The following MARK3 variants were observed in gnomAD, a reference collection of about 807,000 sequenced individuals.
MARK3 encodes MAP/microtubule affinity-regulating kinase 3.
In MARK3, 46 loss-of-function variants were observed where a neutral mutation model predicts 90.1. The ratio of observed to expected loss-of-function variants is 0.51; its 90% CI spans 0.40 to 0.65. The LOEUF is 0.65. Ranked by LOEUF, MARK3 falls within the 30% of genes least tolerant of loss-of-function variation. The pLI, the probability that MARK3 is intolerant of heterozygous loss-of-function variation, is 0.00. For synonymous variants in MARK3, 321 were observed against 332.6 expected, an observed-to-expected ratio of 0.97 and a Z score of 0.38; for missense variants, 818 against 947.2, an observed-to-expected ratio of 0.86 and a Z score of 1.79.
In MARK3 at chr14:103,461,150, C is replaced by A. The variant is rs576125947; in HGVS notation, c.484-1255C>A. Among the ~76,000 whole-genome samples, 7 of 152,250 alleles carry A rather than the reference C, an allele frequency of 4.6e-5. No homozygotes were observed. In the East Asian group the frequency reaches 1.2e-3, roughly 25 times the overall value. ...AAGAGTTGATGATGATTTGGAGGAACCAACAGTAATTTTATTATAACCTCA... is the reference window on the plus strand; with the variant it reads ...AAGAGTTGATGATGATTTGGAGGAAACAACAGTAATTTTATTATAACCTCA... On this transcript the variant is annotated intron_variant, in intron 6 of 17. Coordinates refer to ENST00000429436, the MANE Select transcript of MARK3 (RefSeq NM_001128918.3).
rs558942658 is a variant in MARK3, at chr14:103,475,899, G to A, written c.1482+689G>A. ...GCAGAGGTTACAGTGAGCCGAGATCGCATCACTGCACTCTAGCCTGGCGAC... is the reference window on the plus strand; with the variant it reads ...GCAGAGGTTACAGTGAGCCGAGATCACATCACTGCACTCTAGCCTGGCGAC... On this transcript the variant is annotated intron_variant, in intron 13 of 17. Coordinates refer to ENST00000429436, the MANE Select transcript of MARK3 (RefSeq NM_001128918.3). Among the ~76,000 whole-genome samples, 6 of 150,778 alleles carry A rather than the reference G, an allele frequency of 4.0e-5. No individual in the cohort carries two copies. The South Asian group carries it at 8.4e-4, about 21-fold the overall frequency.
chr14:103,479,046 G>A (rs1012808682), intron 13 of MARK3, among the ~76,000 whole-genome samples: 1 of 151,890 alleles, frequency 6.6e-6, no homozygotes, highest in Non-Finnish European at 1.5e-5. Context: ...GGGAGGAGAC[G>A]GTCTCACTCT....
intron 14 of MARK3, among the ~76,000 whole-genome samples, chr14:103,487,875 C>T (rs962053489): frequency 3.9e-5 from 6 of 152,028 alleles, no homozygotes; most frequent in Non-Finnish European, 8.8e-5. Context: ...GGTGAAATCC[C>T]GTCTCTACGA....
intron 2 of MARK3, among the ~76,000 whole-genome samples, chr14:103,426,586 C>T (rs1030118154): frequency 1.1e-4 from 16 of 152,118 alleles, no homozygotes; most frequent in Admixed American, 2.6e-4. Context: ...CTTGATATTC[C>T]CTGGTCATGG....
At chr14:103,425,412 G>A (rs1213890905) in intron 2 of MARK3, among the ~76,000 whole-genome samples, 4 of 151,398 alleles carry the variant, frequency 2.6e-5, no homozygotes, top group Non-Finnish European at 4.4e-5. Context: ...ATAGGCATCC[G>A]CCACCAAGCT....
intron 13 of MARK3, among the ~76,000 whole-genome samples, chr14:103,476,348 G>A (rs2093715298): frequency 6.6e-6 from 1 of 152,192 alleles, no homozygotes; most frequent in South Asian, 2.1e-4. Flanking sequence ...AAGAGTGTTG[G>A]CTGAGTTCTT....
rs71126026 is a variant in MARK3 at position 103,452,471 on chromosome 14, C to CTTTTTTTTTTTT, written c.412+495_412+506dup. Among the ~76,000 whole-genome samples, 9 of 97,470 alleles carry CTTTTTTTTTTTT rather than the reference C, an allele frequency of 9.2e-5. 1 individual carries two copies. The highest frequency in any genetic ancestry group is 3.2e-4 in the South Asian group (1 of 3,134). 63.9% of individuals were successfully genotyped at this position (97,470 alleles called of 152,430 possible). A position where few individuals can be genotyped will look rare whatever the true frequency, so the allele number is the denominator to read the frequency against. ...ACAAGTGGAATTTTACAGGATTTGT[C>CTTTTTTTTTTTT]TTTTTTTTTTTTTTTTTTGAGACGG... is the stretch of plus-strand genomic sequence containing the variant. On this transcript the variant is annotated intron_variant, in intron 5 of 17. Transcript: ENST00000429436.
chr14:103,411,137 G>A (rs1178013337), intron 2 of MARK3, among the ~76,000 whole-genome samples: 1 of 151,990 alleles, frequency 6.6e-6, no homozygotes, highest in Admixed American at 6.5e-5. Flanking sequence ...AGCTGGGCAT[G>A]GTGGCGGGCG....
At chr14:103,446,342 G>A (rs376092031) in intron 3 of MARK3, among the ~76,000 whole-genome samples, 17 of 152,136 alleles carry the variant, frequency 1.1e-4, no homozygotes, top group African/African-American at 4.1e-4. Context: ...CCTGGCCAAC[G>A]TGGCAAAACC....
At chr14:103,458,854 A>T (rs1390442958) in intron 6 of MARK3, 27 of 601,470 alleles carry the variant, frequency 4.5e-5, no homozygotes, top group Non-Finnish European at 9.0e-6. Flanking sequence ...GCTGTTGCTT[A>T]AATACTAATG....
intron 14 of MARK3, 103 bp downstream of exon 14, chr14:103,480,593 G>A (rs1327672911): frequency 7.4e-6 from 5 of 671,958 alleles, no homozygotes; most frequent in African/African-American, 5.5e-5. Flanking sequence ...AATTAAAACT[G>A]TAAGTATTCT....
At chr14:103,481,783 T>TTTTTTTTTTTTTC (rs2093826668) in intron 14 of MARK3, among the ~76,000 whole-genome samples, 1 of 109,702 alleles carries the variant, frequency 9.1e-6, no homozygotes, top group Non-Finnish European at 1.8e-5. Flanking sequence ...TTTTTTTTTT[T>TTTTTTTTTTTTTC]TGAGACAGAG....
At chr14:103,447,214 G>A (rs1339082769) in intron 3 of MARK3, among the ~76,000 whole-genome samples, 1 of 152,142 alleles carries the variant, frequency 6.6e-6, no homozygotes, top group Non-Finnish European at 1.5e-5. Flanking sequence ...GGGGAGGATT[G>A]ATTGAGCCCA....
intron 1 of MARK3, among the ~76,000 whole-genome samples, chr14:103,392,412 CT>C (rs1281546714): frequency 1.3e-5 from 2 of 152,176 alleles, no homozygotes; most frequent in Admixed American, 6.5e-5. Context: ...GGCCCTACCC[CT>C]AGACCTTGAT....
intron 12 of MARK3, among the ~76,000 whole-genome samples, chr14:103,471,448 A>C (rs573119084): frequency 2.0e-5 from 3 of 152,258 alleles, no homozygotes; most frequent in African/African-American, 7.2e-5. Flanking sequence ...GGCAGAGCTC[A>C]GGCCTGCTGG....
intron 7 of MARK3, among the ~76,000 whole-genome samples, chr14:103,463,416 C>G (rs1221868011): frequency 2.0e-5 from 3 of 152,174 alleles, no homozygotes; most frequent in African/African-American, 7.2e-5. Flanking sequence ...GAGCACTCTT[C>G]TGGGATCCAG....
chr14:103,498,208 TA>T (rs35854622), intron 15 of MARK3, among the ~76,000 whole-genome samples: 91,508 of 146,906 alleles, frequency 0.62, 29,048 homozygotes, highest in Middle Eastern at 0.74. Flanking sequence ...ACTCTGTCTT[TA>T]AAAAAAAAAA....
intron 4 of MARK3, among the ~76,000 whole-genome samples, chr14:103,451,057 A>C (rs771081891): frequency 2.3e-4 from 34 of 149,206 alleles, no homozygotes; most frequent in Non-Finnish European, 4.6e-4. Flanking sequence ...CAGCCTCCCG[A>C]GTAGCTGGGA....
chr14:103,405,934 G>A (rs902749079), intron 2 of MARK3, among the ~76,000 whole-genome samples: 4 of 151,032 alleles, frequency 2.6e-5, no homozygotes, highest in Non-Finnish European at 4.4e-5. Context: ...CCTGTCACCC[G>A]AGCTGGAGTG....
Sources: gnomAD v4.1 joint callset for allele counts (sites outside exome capture counted in the v4.1 genomes callset) on GRCh38, gnomAD v4.1.1 for gene constraint, MANE v1.5 for transcripts, NCBI Gene and HGNC (gene_info 2026-07-23, HGNC 2026-07-21) for gene names.